The following CCDC6 variants were observed in gnomAD, a reference collection of about 807,000 sequenced individuals.
The protein encoded by CCDC6 is coiled-coil domain containing 6.
In CCDC6, 20 loss-of-function variants were observed where a neutral mutation model predicts 56.6. The ratio of observed to expected loss-of-function variants is 0.35; its 90% CI spans 0.25 to 0.51. The LOEUF (loss-of-function observed/expected upper bound fraction) is 0.51. CCDC6 is among the 20% of genes least tolerant of loss of function. CCDC6 has a pLI of 0.95. For synonymous variants in CCDC6, 241 were observed against 234.4 expected (o/e 1.03, Z -0.26); for missense variants, 367 against 601.1 (o/e 0.61, Z 4.07).
chr10:59,804,499 T>G lies in CCDC6; in HGVS notation c.1026A>C (p.Ala342=). The G allele has an allele frequency of 6.2e-7, 1 of 1,609,796 alleles. No homozygotes were observed. The highest frequency in any genetic ancestry group is 8.5e-7 in the Non-Finnish European group (1 of 1,176,080). The change falls in exon 7 of 9, where the codon GCA becomes GCC. Residue 342 remains alanine, a synonymous_variant. Coordinates refer to ENST00000263102, the MANE Select transcript of CCDC6 (RefSeq NM_005436.5). ...DDERYFNEMS[A]QGLRPRTVSS... ...ACACAGTGCGAGGTCTTAATCCTTG[T>G]GCAGACATCTCATTAAAATACCTAA...
intron 3 of CCDC6, among the ~76,000 whole-genome samples, chr10:59,825,882 A>T (rs1238213990): frequency 2.0e-5 from 3 of 152,208 alleles, no homozygotes; most frequent in Non-Finnish European, 4.4e-5. Flanking sequence ...TTTCCTGCTT[A>T]AGACAATGAA....
chr10:59,838,458 C>T (rs989648287), intron 2 of CCDC6, among the ~76,000 whole-genome samples: 4 of 152,200 alleles, frequency 2.6e-5, no homozygotes, highest in Non-Finnish European at 4.4e-5. Flanking sequence ...GCATAACATT[C>T]AAGTCCTTCC....
At chr10:59,843,388 G>C (rs866911350) in intron 2 of CCDC6, among the ~76,000 whole-genome samples, 1 of 152,130 alleles carries the variant, frequency 6.6e-6, no homozygotes, top group Non-Finnish European at 1.5e-5. Context: ...AATTTCAAAC[G>C]TATTGCCCTA....
intron 6 of CCDC6, 188 bp from the exon 7 acceptor site, chr10:59,804,708 T>C: frequency 3.7e-6 from 2 of 545,334 alleles, no homozygotes; most frequent in Non-Finnish European, 6.6e-6. Context: ...TTGACAAACC[T>C]CACTCCAAGG....
At chr10:59,899,582 A>C (rs2132687877) in intron 1 of CCDC6, among the ~76,000 whole-genome samples, 1 of 152,270 alleles carries the variant, frequency 6.6e-6, no homozygotes, top group South Asian at 2.1e-4. Context: ...GGTCACCAGT[A>C]TTTATTTGCA....
intron 1 of CCDC6, 63 bp downstream of exon 1, chr10:59,906,059 G>A: frequency 7.1e-7 from 1 of 1,406,780 alleles, no homozygotes; most frequent in Non-Finnish European, 9.7e-7. Flanking sequence ...GCTGGATTCG[G>A]GTGCAGCCCC....
chr10:59,837,767 A>G (rs12254545), intron 2 of CCDC6, among the ~76,000 whole-genome samples: 4,265 of 143,310 alleles, frequency 0.03, 271 homozygotes, highest in African/African-American at 0.11. Flanking sequence ...AAAAAAAAAA[A>G]AAAGAAAGAA....
chr10:59,828,458 AATG>A (rs367874844), intron 3 of CCDC6, among the ~76,000 whole-genome samples: 8 of 152,344 alleles, frequency 5.3e-5, no homozygotes, highest in African/African-American at 1.7e-4. Flanking sequence ...AACTAAAATA[AATG>A]ATTAAGAACT....
At chr10:59,862,550 C>T (rs987352850) in intron 1 of CCDC6, among the ~76,000 whole-genome samples, 1,215 of 80,380 alleles carry the variant, frequency 0.015, 63 homozygotes, top group South Asian at 0.029. Context: ...CACACACACA[C>T]ACACACATAT....
chr10:59,835,386 A>G (rs1350740846), intron 2 of CCDC6, among the ~76,000 whole-genome samples: 1 of 152,230 alleles, frequency 6.6e-6, no homozygotes, highest in Non-Finnish European at 1.5e-5. Flanking sequence ...CAGTAGCTTT[A>G]GGTACTTCCT....
At chr10:59,889,572 C>A (rs1343735311) in intron 1 of CCDC6, among the ~76,000 whole-genome samples, 1 of 152,188 alleles carries the variant, frequency 6.6e-6, no homozygotes, top group Non-Finnish European at 1.5e-5. Flanking sequence ...AGCCCTGGGT[C>A]TGTCTGGCCC....
In CCDC6 at chr10:59,856,188, G is replaced by C. The variant is rs142832177; in HGVS notation, c.304-3486C>G. ...GGGGGGTGTTATTCTGCCTCTTATG[G>C]CATCTAAACACCCAGAGAAAACATC... On this transcript the variant is annotated intron_variant, in intron 1 of 8. Transcript: ENST00000263102. 2.7e-3 allele frequency among the ~76,000 whole-genome samples: 411 copies of C among 152,138 alleles called. 1 individual carries two copies. Among genetic ancestry groups the C allele is most frequent in the African/African-American group, 9.2e-3 (380 of 41,484 alleles).
At chr10:59,867,648 G>A (rs746350536) in intron 1 of CCDC6, among the ~76,000 whole-genome samples, 4 of 152,110 alleles carry the variant, frequency 2.6e-5, no homozygotes, top group African/African-American at 4.8e-5. Context: ...TGACTTCCCG[G>A]GCTTGAGTAA....
intron 1 of CCDC6, among the ~76,000 whole-genome samples, chr10:59,882,055 GAAGGA>G (rs1304875955): frequency 7.1e-6 from 1 of 140,282 alleles, no homozygotes; most frequent in Non-Finnish European, 1.6e-5. Flanking sequence ...GCCAGGGGGA[GAAGGA>G]AAGGAAAGCC....
intron 3 of CCDC6, among the ~76,000 whole-genome samples, chr10:59,816,475 T>G (rs1389518826): frequency 2.6e-5 from 4 of 152,228 alleles, no homozygotes; most frequent in African/African-American, 9.6e-5. Flanking sequence ...TTCTGTCTTA[T>G]GATCATAGAC....
intron 1 of CCDC6, among the ~76,000 whole-genome samples, chr10:59,865,402 T>C (rs7094181): frequency 0.23 from 34,361 of 151,916 alleles, 4,604 homozygotes; most frequent in African/African-American, 0.38. Context: ...AATCCAAGGC[T>C]CCTCCCACCC....
Position 59,791,650 on chromosome 10 carries a change from A to G in CCDC6, c.*1267T>C, listed in dbSNP as rs1215399152. The G allele has an allele frequency of 3.4e-5, 7 of 207,476 alleles. No individual in the cohort carries two copies. Among genetic ancestry groups the G allele is most frequent in the Admixed American group, 1.2e-4 (2 of 16,840 alleles). The allele number at this position is 207,476 out of a possible 1,614,324, so 12.9% of individuals were successfully genotyped here. A position where few individuals can be genotyped will look rare whatever the true frequency, so the allele number is the denominator to read the frequency against. ...CCACAGCATATATAAATATGCAAAC[A>G]CAGGTGGTAAAAATCACTTTACTAC... On this transcript the variant is annotated 3_prime_UTR_variant, in exon 9 of 9. Transcript: ENST00000263102.
intron 1 of CCDC6, among the ~76,000 whole-genome samples, chr10:59,900,009 G>C (rs2071493249): frequency 6.6e-6 from 1 of 152,192 alleles, no homozygotes; most frequent in Non-Finnish European, 1.5e-5. Context: ...GTCCCAGAGA[G>C]AGTGTTGGCA....
At position 59,906,388 on chromosome 10, in the gene CCDC6, C is replaced by A. The variant is rs895364091; in HGVS notation, c.37G>T (p.Ala13Ser). ...GCCGAGCTGCTGCTGTTGCCCCCCG[C>A]CCCGTCCGTGTCGCTCTCGCTGGCG... is the stretch of plus-strand genomic sequence containing the variant. ...DSASESDTDG[A>S]GGNSSSSAAM... Residue 13 changes from alanine (A) to serine (S), a missense_variant, in exon 1 of 9, where the codon GCG (alanine) becomes TCG (serine). Ala to Ser is a moderately conservative substitution (Grantham distance 99). Coordinates refer to ENST00000263102, the MANE Select transcript of CCDC6 (RefSeq NM_005436.5). The A allele has an allele frequency of 6.3e-7, 1 of 1,585,926 alleles. No individual in the cohort carries two copies. The highest frequency in any genetic ancestry group is 1.7e-5 in the Admixed American group (1 of 58,946).
Sources: gnomAD v4.1 joint callset for allele counts (sites outside exome capture counted in the v4.1 genomes callset) on GRCh38, gnomAD v4.1.1 for gene constraint, MANE v1.5 for transcripts, NCBI Gene and HGNC (gene_info 2026-07-23, HGNC 2026-07-21) for gene names.